The following KLHL20 variants were observed in gnomAD, a reference collection of about 807,000 sequenced individuals.
KLHL20 encodes the protein kelch-like protein 20.
In KLHL20, 29 loss-of-function variants were observed where a neutral mutation model predicts 69.5. That is an observed-to-expected ratio of 0.42 (90% CI 0.31 to 0.57). The LOEUF is 0.57. KLHL20 is among the 20% of genes least tolerant of loss of function. KLHL20 has a pLI of 0.18. For missense variants in KLHL20, 419 were observed against 776.0 expected, an observed-to-expected ratio of 0.54 and a Z score of 5.47; for synonymous variants, 253 against 265.2, an observed-to-expected ratio of 0.95 and a Z score of 0.45.
chr1:173,773,059 C>T (rs1210284019), intron 8 of KLHL20, among the ~76,000 whole-genome samples: 1 of 152,174 alleles, frequency 6.6e-6, no homozygotes, highest in Non-Finnish European at 1.5e-5. Flanking sequence ...TCACAACTGT[C>T]TCAAGCAATC....
intron 3 of KLHL20, among the ~76,000 whole-genome samples, chr1:173,743,170 C>G (rs1203134807): frequency 6.7e-6 from 1 of 149,376 alleles, no homozygotes; most frequent in African/African-American, 2.5e-5. Context: ...AAAGGATGCT[C>G]AACCTCACCT....
At chr1:173,758,429 T>C (rs1376497696) in intron 7 of KLHL20, among the ~76,000 whole-genome samples, 2 of 152,124 alleles carry the variant, frequency 1.3e-5, no homozygotes, top group Non-Finnish European at 1.5e-5. Context: ...GAGGCTTGAT[T>C]GCAAATGTTA....
At chr1:173,725,231 A>G (rs1030628488) in intron 2 of KLHL20, among the ~76,000 whole-genome samples, 1 of 152,248 alleles carries the variant, frequency 6.6e-6, no homozygotes, top group African/African-American at 2.4e-5. Context: ...GCCTCCCAGC[A>G]TTCACATGAA....
chr1:173,738,295 C>T (rs529845839), intron 3 of KLHL20, among the ~76,000 whole-genome samples: 6 of 152,222 alleles, frequency 3.9e-5, no homozygotes, highest in East Asian at 3.9e-4. Flanking sequence ...CAGCCCCCCA[C>T]GTAGCTGGGA....
intron 2 of KLHL20, among the ~76,000 whole-genome samples, chr1:173,716,692 T>C (rs552845471): frequency 3.9e-5 from 6 of 152,200 alleles, no homozygotes; most frequent in Non-Finnish European, 7.4e-5. Context: ...ATCTTTATGA[T>C]ACAAAATCAT....
chr1:173,730,848 G>A (rs888714342), intron 2 of KLHL20, among the ~76,000 whole-genome samples: 10 of 151,990 alleles, frequency 6.6e-5, no homozygotes, highest in Non-Finnish European at 1.0e-4. Flanking sequence ...AGCAATGGCA[G>A]CAAAAGCCAA....
At chr1:173,722,976 C>T (rs1356252908) in intron 2 of KLHL20, among the ~76,000 whole-genome samples, 2 of 152,174 alleles carry the variant, frequency 1.3e-5, no homozygotes, top group Non-Finnish European at 2.9e-5. Context: ...AGGTGTGAGC[C>T]ACCGCGCCTG....
chr1:173,782,208 G>T lies in KLHL20; in HGVS notation c.1723G>T (p.Asp575Tyr). The change falls in exon 11 of 12, where the codon GAT becomes TAT. Residue 575 changes from aspartate to tyrosine, a missense_variant. By Grantham distance (160) the Asp-to-Tyr change is radical. Coordinates refer to ENST00000209884, the MANE Select transcript of KLHL20 (RefSeq NM_014458.4). ...ATACTTGAAGACCATAGAAGTTTTT[G>T]ATCCTGATGCCAATACATGGAGGTA... is the stretch of plus-strand genomic sequence containing the variant. Reference protein sequence around the residue: ...TTYLKTIEVFDPDANTWRLYG... With the variant: ...TTYLKTIEVFYPDANTWRLYG... 1 of 1,613,698 alleles carries T rather than the reference G, an allele frequency of 6.2e-7. No homozygotes were observed. The highest frequency in any genetic ancestry group is 1.1e-5 in the South Asian group (1 of 91,050).
chr1:173,734,296 A>G lies in KLHL20; in HGVS notation c.597+10A>G. On this transcript the variant is annotated intron_variant, in intron 3 of 11. Coordinates refer to ENST00000209884, the MANE Select transcript of KLHL20 (RefSeq NM_014458.4). ...ACATAACTTTCAAGAGGTGAGTTGC[A>G]CTTGGTGTTCCAATGCACCCATTTG... 6.2e-7 allele frequency: 1 copy of G among 1,613,368 alleles called. No homozygotes were observed. The highest frequency in any genetic ancestry group is 8.5e-7 in the Non-Finnish European group (1 of 1,179,300).
intron 3 of KLHL20, among the ~76,000 whole-genome samples, chr1:173,740,553 C>A (rs755271665): frequency 6.6e-6 from 1 of 151,980 alleles, no homozygotes; most frequent in Non-Finnish European, 1.5e-5. Context: ...CTCTTAGCAC[C>A]GCTTTTGCTG....
chr1:173,782,775 T>G (rs1048836370), intron 11 of KLHL20, among the ~76,000 whole-genome samples: 2 of 152,202 alleles, frequency 1.3e-5, no homozygotes, highest in African/African-American at 4.8e-5. Context: ...CTAGGTTTAA[T>G]TTTACTTTGC....
intron 2 of KLHL20, among the ~76,000 whole-genome samples, chr1:173,733,334 A>G (rs1170654355): frequency 6.6e-6 from 1 of 152,120 alleles, no homozygotes; most frequent in Non-Finnish European, 1.5e-5. Context: ...AACTTTTTAT[A>G]TTGTCTTTAA....
In KLHL20 at chr1:173,786,263, A is replaced by C. The variant is rs1649197359; in HGVS notation, c.*1016A>C. The C allele has an allele frequency of 2.0e-5, 3 of 152,622 alleles. No homozygotes were observed. The South Asian group carries it at 6.2e-4, about 32-fold the overall frequency. 9.5% of individuals were successfully genotyped at this position (152,622 alleles called of 1,614,324 possible). ...AGCACACATTAAAGAGTGTAAAATC[A>C]ATTGAGGCATTTTATTAATATCTTG... On this transcript the variant is annotated 3_prime_UTR_variant, in exon 12 of 12. Transcript: ENST00000209884.
intron 6 of KLHL20, 91 bp from the exon 7 acceptor site, chr1:173,756,885 C>CTT (rs1673573864): frequency 6.5e-6 from 8 of 1,239,882 alleles, no homozygotes; most frequent in Non-Finnish European, 9.2e-6. Context: ...TTTGGTGAGT[C>CTT]TAAGCATTAG....
chr1:173,734,577 G>T, intron 3 of KLHL20: 1 of 346,096 alleles, frequency 2.9e-6, no homozygotes, highest in South Asian at 3.1e-5. Flanking sequence ...TTCACAAGAG[G>T]ATCTATGCCT....
chr1:173,755,316 C>T (rs1272121873), intron 5 of KLHL20, among the ~76,000 whole-genome samples: 1 of 152,110 alleles, frequency 6.6e-6, no homozygotes, highest in Non-Finnish European at 1.5e-5. Flanking sequence ...CCTCAGCCTC[C>T]CAAAGTGCTG....
At position 173,775,850 on chromosome 1, in the gene KLHL20, G is replaced by A. The variant is rs1260659228; in HGVS notation, c.1638+8G>A. 1.2e-6 allele frequency: 2 copies of A among 1,612,504 alleles called. No individual in the cohort carries two copies. The highest frequency in any genetic ancestry group is 2.2e-5 in the South Asian group (2 of 91,002). ...ACATCACGCCGTAGTGGAGTAAGTG[G>A]TTATGGACACTTAGGTTGCTTCCAA... On this transcript the variant is annotated splice_region_variant and intron_variant, in intron 10 of 11. Transcript: ENST00000209884.
intron 7 of KLHL20, among the ~76,000 whole-genome samples, chr1:173,761,635 G>A (rs1647314179): frequency 6.6e-6 from 1 of 152,170 alleles, no homozygotes; most frequent in African/African-American, 2.4e-5. Flanking sequence ...TCCTGCATGA[G>A]CATTGGGTCA....
intron 3 of KLHL20, among the ~76,000 whole-genome samples, chr1:173,745,288 G>A (rs1431575787): frequency 2.7e-5 from 4 of 147,324 alleles, no homozygotes; most frequent in Non-Finnish European, 4.5e-5. Flanking sequence ...TCAGCTTCCC[G>A]GGAAGCTGAG....
Sources: allele counts gnomAD v4.1 joint callset (sites outside exome capture counted in the v4.1 genomes callset), GRCh38; gene constraint gnomAD v4.1.1; transcripts MANE v1.5; gene names NCBI Gene and HGNC (gene_info 2026-07-23, HGNC 2026-07-21).